GPC5: variants seen among roughly 807,000 people sequenced by gnomAD.
The protein encoded by GPC5 is glypican-5.
GPC5 carries 47 observed loss-of-function variants against 53.9 expected under a neutral mutation model. The ratio of observed to expected loss-of-function variants is 0.87; its 90% CI spans 0.69 to 1.11. The LOEUF is 1.11. Among genes scored for constraint, GPC5 ranks in the 50% most tolerant of loss-of-function variants. The pLI is 0.00. For synonymous variants in GPC5, 286 were observed against 263.3 expected (o/e 1.09, Z -0.84); for missense variants, 748 against 713.1 (o/e 1.05, Z -0.56).
intron 7 of GPC5, among the ~76,000 whole-genome samples, chr13:92,842,006 CACAAG>C (rs1878446720): frequency 2.0e-5 from 3 of 152,138 alleles, no homozygotes; most frequent in Non-Finnish European, 4.4e-5. Flanking sequence ...AAGATTACTT[CACAAG>C]TGGTCTTGGT....
In GPC5 at chr13:92,551,057, C is replaced by T. The variant is rs1566289307; in HGVS notation, c.1562-315225C>T. 2.0e-5 allele frequency among the ~76,000 whole-genome samples: 3 copies of T among 151,792 alleles called. No individual in the cohort carries two copies. The South Asian group carries it at 6.2e-4, about 31-fold the overall frequency. The stretch of plus-strand genomic sequence containing the variant: ...GATGCAGAAAACAATGCTGACAATG[C>T]TGTTGATATTTTGTGATAATTGTGA... On this transcript the variant is annotated intron_variant, in intron 7 of 7. Coordinates refer to ENST00000377067, the MANE Select transcript of GPC5 (RefSeq NM_004466.6).
chr13:92,443,912 G>A lies in GPC5; in HGVS notation c.1561+298923G>A, dbSNP rs553426173. Among the ~76,000 whole-genome samples, 6 of 152,306 alleles carry A rather than the reference G, an allele frequency of 3.9e-5. No individual in the cohort carries two copies. The South Asian group carries it at 1.2e-3, about 32-fold the overall frequency. Reference sequence around the variant, plus strand: ...AAGAAAAATGTTCTTGATCATTGTTGAGGGCCCAGCTGAGATGAGAAACCA... The same window carrying A: ...AAGAAAAATGTTCTTGATCATTGTTAAGGGCCCAGCTGAGATGAGAAACCA... On this transcript the variant is annotated intron_variant, in intron 7 of 7. Transcript: ENST00000377067.
At chr13:91,455,385 A>G (rs1881471667) in intron 2 of GPC5, among the ~76,000 whole-genome samples, 1 of 152,132 alleles carries the variant, frequency 6.6e-6, no homozygotes, top group Non-Finnish European at 1.5e-5. Flanking sequence ...CAGAATTTTA[A>G]AAGTTTTACT....
chr13:91,896,481 G>A (rs552053321), intron 5 of GPC5, among the ~76,000 whole-genome samples: 3 of 152,254 alleles, frequency 2.0e-5, no homozygotes, highest in Admixed American at 2.0e-4. Context: ...TAGTACAGAT[G>A]ACTGAGGAAA....
intron 7 of GPC5, among the ~76,000 whole-genome samples, chr13:92,419,064 T>C (rs1876443620): frequency 6.6e-6 from 1 of 152,124 alleles, no homozygotes. Flanking sequence ...GCAAACCAAA[T>C]AAAATGAACT....
chr13:92,152,480 T>C (rs1362006505), intron 7 of GPC5, among the ~76,000 whole-genome samples: 1 of 152,098 alleles, frequency 6.6e-6, no homozygotes, highest in Admixed American at 6.5e-5. Context: ...GGATAAAATA[T>C]GTAAAAGGTA....
intron 2 of GPC5, among the ~76,000 whole-genome samples, chr13:91,620,752 T>C (rs1400679335): frequency 6.6e-6 from 1 of 152,146 alleles, no homozygotes; most frequent in Non-Finnish European, 1.5e-5. Context: ...TAGAATTATC[T>C]GTAGCTGATG....
intron 5 of GPC5, among the ~76,000 whole-genome samples, chr13:91,884,980 T>A (rs2039306667): frequency 6.6e-6 from 1 of 152,198 alleles, no homozygotes; most frequent in African/African-American, 2.4e-5. Flanking sequence ...TATAGTATTG[T>A]TAAATATTTA....
chr13:91,808,960 T>C (rs2038267881), intron 5 of GPC5, among the ~76,000 whole-genome samples: 1 of 152,168 alleles, frequency 6.6e-6, no homozygotes. Flanking sequence ...GTTAGAAGAA[T>C]AATCAGAAAA....
At chr13:92,732,239 A>G (rs559402286) in intron 7 of GPC5, among the ~76,000 whole-genome samples, 1 of 151,734 alleles carries the variant, frequency 6.6e-6, no homozygotes, top group South Asian at 2.1e-4. Context: ...TAGAAACTTT[A>G]CAACCTAGAT....
At chr13:91,490,603 T>TA (rs1883888260) in intron 2 of GPC5, among the ~76,000 whole-genome samples, 1 of 152,234 alleles carries the variant, frequency 6.6e-6, no homozygotes, top group Admixed American at 6.5e-5. Context: ...CTGCTGGTGT[T>TA]ATGACCCAAC....
intron 1 of GPC5, among the ~76,000 whole-genome samples, chr13:91,425,131 C>A (rs911158639): frequency 6.6e-6 from 1 of 152,156 alleles, no homozygotes; most frequent in Non-Finnish European, 1.5e-5. Flanking sequence ...AATATCATTT[C>A]TTGACAGCCT....
intron 7 of GPC5, among the ~76,000 whole-genome samples, chr13:92,522,810 C>T (rs1179167993): frequency 6.6e-6 from 1 of 151,994 alleles, no homozygotes; most frequent in Non-Finnish European, 1.5e-5. Context: ...GTTTCTAACA[C>T]ATCTCAACTT....
At chr13:92,842,010 A>G (rs1480186230) in intron 7 of GPC5, among the ~76,000 whole-genome samples, 3 of 152,120 alleles carry the variant, frequency 2.0e-5, no homozygotes, top group Non-Finnish European at 1.5e-5. Context: ...TTACTTCACA[A>G]GTGGTCTTGG....
At chr13:92,117,413 T>C (rs1330696730) in intron 6 of GPC5, among the ~76,000 whole-genome samples, 1 of 152,226 alleles carries the variant, frequency 6.6e-6, no homozygotes, top group Non-Finnish European at 1.5e-5. Flanking sequence ...AATCACATAG[T>C]TTGATTCCTC....
At chr13:91,893,845 G>T (rs1056333339) in intron 5 of GPC5, among the ~76,000 whole-genome samples, 1 of 151,660 alleles carries the variant, frequency 6.6e-6, no homozygotes, top group African/African-American at 2.4e-5. Flanking sequence ...GCGTAATTGT[G>T]TAAGAAAAAC....
intron 2 of GPC5, among the ~76,000 whole-genome samples, chr13:91,612,276 A>G (rs1028068348): frequency 1.3e-5 from 2 of 152,208 alleles, no homozygotes; most frequent in African/African-American, 4.8e-5. Context: ...AATCTCTTAT[A>G]TATACTCTTC....
At chr13:92,671,464 T>C (rs763541955) in intron 7 of GPC5, among the ~76,000 whole-genome samples, 2 of 152,240 alleles carry the variant, frequency 1.3e-5, no homozygotes, top group African/African-American at 2.4e-5. Flanking sequence ...TTTCTAGCTT[T>C]TCTGCATTTG....
At chr13:91,572,231 GTATATACATGTGTATA>G (rs1262064290) in intron 2 of GPC5, among the ~76,000 whole-genome samples, 51 of 128,000 alleles carry the variant, frequency 4.0e-4, no homozygotes, top group African/African-American at 7.8e-4. Context: ...ATACACATAT[GTATATACATGTGTATA>G]TATATACACA....
Sources: gnomAD v4.1 joint callset for allele counts (sites outside exome capture counted in the v4.1 genomes callset) on GRCh38, gnomAD v4.1.1 for gene constraint, MANE v1.5 for transcripts, NCBI Gene and HGNC (gene_info 2026-07-23, HGNC 2026-07-21) for gene names.